Variants in WDR7 observed in about 807,000 individuals in gnomAD.
WDR7 encodes the protein WD repeat-containing protein 7.
Under a neutral mutation model 169.4 loss-of-function variants are expected in WDR7, and 46 were observed. The observed-to-expected ratio is 0.27, with a 90% CI of 0.21 to 0.35. WDR7 has a LOEUF of 0.35. Among genes scored for constraint, WDR7 ranks in the 10% least tolerant of loss-of-function variants. WDR7 has a pLI of 1.00. For synonymous variants in WDR7, 612 were observed against 666.8 expected, an observed-to-expected ratio of 0.92 and a Z score of 1.27; for missense variants, 1,534 against 1,859.3, an observed-to-expected ratio of 0.83 and a Z score of 3.22.
At position 56,738,568 on chromosome 18, in the gene WDR7, A is replaced by G. The variant is rs555722405; in HGVS notation, c.1989+6971A>G. Reference sequence around the variant, plus strand: ...GCGAGACCCTGTCTCAAACAAAAACAAACAAACAAATTATTTTCAGTCTCT... The same window carrying G: ...GCGAGACCCTGTCTCAAACAAAAACGAACAAACAAATTATTTTCAGTCTCT... On this transcript the variant is annotated intron_variant, in intron 14 of 27. Transcript: ENST00000254442. Among the ~76,000 whole-genome samples, 24 of 152,248 alleles carry G rather than the reference A, an allele frequency of 1.6e-4. No individual in the cohort carries two copies. In the South Asian group the frequency reaches 2.5e-3, roughly 16 times the overall value.
At chr18:57,012,312 G>A (rs116783429) in intron 26 of WDR7, among the ~76,000 whole-genome samples, 2,092 of 152,194 alleles carry the variant, frequency 0.014, 44 homozygotes, top group African/African-American at 0.046. Context: ...CATCCCAGCC[G>A]TCCTCACAGG....
At chr18:56,674,925 GA>G (rs2025212332) in intron 2 of WDR7, among the ~76,000 whole-genome samples, 1 of 152,116 alleles carries the variant, frequency 6.6e-6, no homozygotes, top group African/African-American at 2.4e-5. Context: ...TGGTCAGAAG[GA>G]CTGCTTGTTC....
At chr18:56,847,069 GA>G (rs920023048) in intron 20 of WDR7, among the ~76,000 whole-genome samples, 3 of 152,156 alleles carry the variant, frequency 2.0e-5, no homozygotes, top group Non-Finnish European at 4.4e-5. Context: ...GGGAAGTTGG[GA>G]ATTCCTAAGA....
At chr18:56,865,732 A>T (rs2045874018) in intron 20 of WDR7, among the ~76,000 whole-genome samples, 1 of 152,148 alleles carries the variant, frequency 6.6e-6, no homozygotes, top group Non-Finnish European at 1.5e-5. Flanking sequence ...TCTGTATGGT[A>T]ATGCATTGAT....
At chr18:56,763,442 A>G (rs1386632998) in intron 16 of WDR7, among the ~76,000 whole-genome samples, 1 of 152,220 alleles carries the variant, frequency 6.6e-6, no homozygotes, top group Non-Finnish European at 1.5e-5. Flanking sequence ...CAACCTTGCA[A>G]TATAGACCAC....
intron 26 of WDR7, among the ~76,000 whole-genome samples, chr18:56,987,782 G>A (rs1486940059): frequency 6.6e-6 from 1 of 152,128 alleles, no homozygotes; most frequent in Non-Finnish European, 1.5e-5. Flanking sequence ...ATCGTACATG[G>A]TGTAGGTGTT....
chr18:56,798,750 T>C (rs1006852209), intron 19 of WDR7, among the ~76,000 whole-genome samples: 1 of 152,194 alleles, frequency 6.6e-6, no homozygotes. Context: ...TCTTAATAAA[T>C]GGATTATATA....
intron 1 of WDR7, among the ~76,000 whole-genome samples, chr18:56,662,766 T>C (rs1374167530): frequency 6.6e-6 from 1 of 152,112 alleles, no homozygotes; most frequent in African/African-American, 2.4e-5. Context: ...AAGGAACAAG[T>C]TAAATGATAT....
intron 14 of WDR7, among the ~76,000 whole-genome samples, chr18:56,749,427 T>A (rs1254017402): frequency 6.6e-6 from 1 of 151,602 alleles, no homozygotes; most frequent in Non-Finnish European, 1.5e-5. Context: ...AGATTTGTAA[T>A]ATTTCCTAGC....
chr18:56,752,343 T>C (rs2043808269), intron 14 of WDR7, among the ~76,000 whole-genome samples: 1 of 152,206 alleles, frequency 6.6e-6, no homozygotes, highest in Admixed American at 6.5e-5. Context: ...CTGCCAGGAG[T>C]GCTCTTTCAT....
intron 20 of WDR7, among the ~76,000 whole-genome samples, chr18:56,821,592 G>A (rs2045097089): frequency 6.6e-6 from 1 of 151,628 alleles, no homozygotes; most frequent in Non-Finnish European, 1.5e-5. Flanking sequence ...TTTATGATAA[G>A]AGGTAGTTAC....
At chr18:56,994,244 G>A (rs117178610) in intron 26 of WDR7, among the ~76,000 whole-genome samples, 9,108 of 151,912 alleles carry the variant, frequency 0.06, 569 homozygotes, top group African/African-American at 0.15. Flanking sequence ...GGCTAGTCTC[G>A]AACTCCTGAG....
intron 9 of WDR7, among the ~76,000 whole-genome samples, chr18:56,692,129 T>C (rs2025584029): frequency 6.6e-6 from 1 of 152,222 alleles, no homozygotes; most frequent in South Asian, 2.1e-4. Context: ...ATCATGCAAT[T>C]ATAAACATAG....
chr18:56,721,581 A>G (rs1429419854), intron 13 of WDR7: 3 of 152,206 alleles, frequency 2.0e-5, no homozygotes, highest in Non-Finnish European at 2.9e-5. Context: ...GAAGTTATTA[A>G]AGGTGGGTCA....
At chr18:56,817,452 T>C (rs557371277) in intron 20 of WDR7, among the ~76,000 whole-genome samples, 8 of 152,104 alleles carry the variant, frequency 5.3e-5, no homozygotes, top group African/African-American at 1.9e-4. Context: ...AAGAAGAAAG[T>C]CTAAGATCTC....
chr18:56,976,557 C>G (rs189582097), intron 26 of WDR7, among the ~76,000 whole-genome samples: 2 of 152,142 alleles, frequency 1.3e-5, no homozygotes, highest in Admixed American at 6.6e-5. Flanking sequence ...CTCAGAAACC[C>G]GAGTCTATCA....
At chr18:56,909,629 AC>A (rs1354437568) in intron 21 of WDR7, among the ~76,000 whole-genome samples, 1 of 152,120 alleles carries the variant, frequency 6.6e-6, no homozygotes, top group African/African-American at 2.4e-5. Flanking sequence ...AGAAGTGAAT[AC>A]CGTATTATGT....
intron 26 of WDR7, among the ~76,000 whole-genome samples, chr18:56,971,193 A>T (rs1011237175): frequency 2.0e-5 from 3 of 151,276 alleles, no homozygotes; most frequent in African/African-American, 4.9e-5. Flanking sequence ...AATCACTTGA[A>T]CCTGGGAGGC....
At chr18:56,851,662 C>T (rs1001986250) in intron 20 of WDR7, among the ~76,000 whole-genome samples, 1 of 152,130 alleles carries the variant, frequency 6.6e-6, no homozygotes, top group Admixed American at 6.5e-5. Context: ...TTCATGATGT[C>T]CCTAAATGCC....
Sources: allele counts gnomAD v4.1 joint callset (sites outside exome capture counted in the v4.1 genomes callset), GRCh38; gene constraint gnomAD v4.1.1; transcripts MANE v1.5; gene names NCBI Gene and HGNC (gene_info 2026-07-23, HGNC 2026-07-21).